TMEM268: variants seen among roughly 807,000 people sequenced by gnomAD.
The protein encoded by TMEM268 is transmembrane protein 268, also known as transmembrane protein C9orf91.
TMEM268 carries 24 observed loss-of-function variants against 39.1 expected under a neutral mutation model. That is an observed-to-expected ratio of 0.61 (90% CI 0.44 to 0.86). The LOEUF (loss-of-function observed/expected upper bound fraction) is 0.86, where lower values mean the gene tolerates loss of function less well. Among genes scored for constraint, TMEM268 ranks in the 40% least tolerant of loss-of-function variants. The pLI, the probability that TMEM268 is intolerant of heterozygous loss-of-function variation, is 0.00. For missense variants in TMEM268, 409 were observed against 428.6 expected, an observed-to-expected ratio of 0.95 and a Z score of 0.40; for synonymous variants, 176 against 173.5, an observed-to-expected ratio of 1.01 and a Z score of -0.12.
rs3035396 is a variant in TMEM268 at position 114,611,533 on chromosome 9, TGGCGGCGGCGGCGGCGGC to T, written c.-102_-85del. The T allele has an allele frequency of 6.1e-6, 1 of 162,680 alleles. No individual in the cohort carries two copies. The highest frequency in any genetic ancestry group is 1.3e-5 in the Non-Finnish European group (1 of 79,958). The allele number at this position is 162,680 out of a possible 1,614,324, so 10.1% of individuals were successfully genotyped here. A position where few individuals can be genotyped will look rare whatever the true frequency, so the allele number is the denominator to read the frequency against. Reference sequence around the variant, plus strand: ...GCCCCCGACCTTCCGCGTCCCGGGGTGGCGGCGGCGGCGGCGGCGGCGGCGCGGGCGGTGAGTGTGCGC... The same window carrying T: ...GCCCCCGACCTTCCGCGTCCCGGGGTGGCGGCGCGGGCGGTGAGTGTGCGC... On this transcript the variant is annotated 5_prime_UTR_variant, in exon 1 of 9. Coordinates refer to ENST00000288502, the MANE Select transcript of TMEM268 (RefSeq NM_153045.4).
rs374759844 is a variant in TMEM268, at chr9:114,644,797, AT to A, written c.*1497del. ...ATCAATATAATGGGTGGATTGGATG[AT>A]TTTTTTTTTTTTAATTGAGATGGAG... On this transcript the variant is annotated 3_prime_UTR_variant, in exon 9 of 9. Coordinates refer to ENST00000288502, the MANE Select transcript of TMEM268 (RefSeq NM_153045.4). 4.1e-3 allele frequency: 594 copies of A among 144,338 alleles called. 1 individual carries two copies. Among genetic ancestry groups the A allele is most frequent in the African/African-American group, 7.7e-3 (302 of 39,472 alleles). 8.9% of individuals were successfully genotyped at this position (144,338 alleles called of 1,614,324 possible). A position where few individuals can be genotyped will look rare whatever the true frequency, so the allele number is the denominator to read the frequency against.
In TMEM268 at chr9:114,646,422, A is replaced by T. The variant is rs1040197428; in HGVS notation, c.*3109A>T. On this transcript the variant is annotated 3_prime_UTR_variant, in exon 9 of 9. Coordinates refer to ENST00000288502, the MANE Select transcript of TMEM268 (RefSeq NM_153045.4). ...AGCTCAATAAATTGTTACTTAAAAA[A>T]TTTTTTGTCTCGCATATTGTAGATA... The T allele has an allele frequency of 8.5e-5, 13 of 152,300 alleles. No homozygotes were observed. The East Asian group carries it at 1.5e-3, about 18-fold the overall frequency. The allele number at this position is 152,300 out of a possible 1,614,324, so 9.4% of individuals were successfully genotyped here.
chr9:114,635,067 G>A (rs150111920), intron 6 of TMEM268, among the ~76,000 whole-genome samples: 156 of 152,264 alleles, frequency 1.0e-3, no homozygotes, highest in Non-Finnish European at 1.7e-3. Flanking sequence ...TGGGCTGGGC[G>A]TGGTGGCTCA....
the TMEM268 span, among the ~76,000 whole-genome samples, chr9:114,605,398 C>T: frequency 1.3e-5 from 2 of 151,794 alleles, no homozygotes; most frequent in Non-Finnish European, 2.9e-5. Flanking sequence ...GCAGGTTAAG[C>T]ACATTCTTTA....
At chr9:114,638,513 C>T (rs777544003) in intron 7 of TMEM268, 31 bp from the exon 8 acceptor site, 2 of 1,499,626 alleles carry the variant, frequency 1.3e-6, no homozygotes, top group East Asian at 5.1e-5. Context: ...GATTTAGGCA[C>T]TCCTGAGCCC....
intron 6 of TMEM268, among the ~76,000 whole-genome samples, chr9:114,636,485 T>TTTTTC (rs1554760003): frequency 5.1e-5 from 7 of 136,642 alleles, no homozygotes; most frequent in South Asian, 2.8e-4. Context: ...AGGGTTTAAC[T>TTTTTC]TTTTCTTTTC....
At chr9:114,622,016 C>A (rs1845965888) in intron 2 of TMEM268, 1 of 879,422 alleles carries the variant, frequency 1.1e-6, no homozygotes, top group African/African-American at 1.8e-5. Flanking sequence ...CAGCAGAAGC[C>A]ACTTAGGAGG....
chr9:114,613,156 C>T (rs370448317), intron 1 of TMEM268, among the ~76,000 whole-genome samples: 172 of 152,306 alleles, frequency 1.1e-3, no homozygotes, highest in African/African-American at 4.0e-3. Context: ...TTACTTTTAG[C>T]TATTACAGGA....
At chr9:114,613,550 G>A (rs942344270) in intron 1 of TMEM268, among the ~76,000 whole-genome samples, 1 of 152,146 alleles carries the variant, frequency 6.6e-6, no homozygotes, top group African/African-American at 2.4e-5. Context: ...AGATCCTTGT[G>A]GCTATTTTTG....
At chr9:114,622,122 T>G in intron 2 of TMEM268, 3 of 985,242 alleles carry the variant, frequency 3.0e-6, no homozygotes, top group Non-Finnish European at 2.4e-6. Context: ...GGTGATACAT[T>G]GGGGGAGCAG....
rs1273051121 is a variant in TMEM268, at chr9:114,646,280, C to G, written c.*2967C>G. On this transcript the variant is annotated 3_prime_UTR_variant, in exon 9 of 9. Coordinates refer to ENST00000288502, the MANE Select transcript of TMEM268 (RefSeq NM_153045.4). ...AACAATGTTCTTCCTCTCATTGAGT[C>G]TCATTCCTCATCTATAGGATGGGAA... The G allele has an allele frequency of 6.6e-6, 1 of 152,168 alleles. No homozygotes were observed. The highest frequency in any genetic ancestry group is 1.5e-5 in the Non-Finnish European group (1 of 68,040). The allele number at this position is 152,168 out of a possible 1,614,324, so 9.4% of individuals were successfully genotyped here. A position where few individuals can be genotyped will look rare whatever the true frequency, so the allele number is the denominator to read the frequency against.
chr9:114,643,358 G>A lies in TMEM268; in HGVS notation c.*45G>A. ...ATCTTCCTTCAAGACTGAGCAGTCAGGAAGGCTTCAGGAGCCCAAGATGGC... is the reference window on the plus strand; with the variant it reads ...ATCTTCCTTCAAGACTGAGCAGTCAAGAAGGCTTCAGGAGCCCAAGATGGC... On this transcript the variant is annotated 3_prime_UTR_variant, in exon 9 of 9. Transcript: ENST00000288502. 1 of 1,591,236 alleles carries A rather than the reference G, an allele frequency of 6.3e-7. No individual in the cohort carries two copies. The highest frequency in any genetic ancestry group is 1.7e-5 in the Admixed American group (1 of 59,528).
At chr9:114,613,203 T>TACTAATC (rs1845573469) in intron 1 of TMEM268, among the ~76,000 whole-genome samples, 1 of 152,118 alleles carries the variant, frequency 6.6e-6, no homozygotes. Context: ...GCCTGCTGAT[T>TACTAATC]AGTACTTTGT....
intron 2 of TMEM268, among the ~76,000 whole-genome samples, chr9:114,620,247 CT>C (rs1229127945): frequency 9.3e-4 from 42 of 45,020 alleles, no homozygotes; most frequent in Admixed American, 2.6e-3. Flanking sequence ...GTTTTAGTTA[CT>C]TACTTATTTT....
At chr9:114,638,495 T>C in intron 7 of TMEM268, 49 bp from the exon 8 acceptor site, 1 of 1,419,000 alleles carries the variant, frequency 7.0e-7, no homozygotes. Context: ...GCCTCGCAGA[T>C]ACCACCTGAT....
At chr9:114,615,002 T>G (rs1213297106) in intron 1 of TMEM268, among the ~76,000 whole-genome samples, 2 of 151,818 alleles carry the variant, frequency 1.3e-5, no homozygotes. Flanking sequence ...GTTCAAGTGA[T>G]TCTCCTGCCT....
intron 3 of TMEM268, among the ~76,000 whole-genome samples, chr9:114,625,921 G>C (rs1359306792): frequency 1.3e-5 from 2 of 151,874 alleles, no homozygotes; most frequent in African/African-American, 4.8e-5. Context: ...CTGCCTCCCG[G>C]CTTCAAGCAA....
In TMEM268 at chr9:114,614,518, G is replaced by A. The variant is rs919538947; in HGVS notation, c.-78-2600G>A. Among the ~76,000 whole-genome samples the A allele has an allele frequency of 2.0e-5, 3 of 152,228 alleles. No individual in the cohort carries two copies. In the East Asian group the frequency reaches 5.8e-4, roughly 29 times the overall value. ...CATTCTGTAGCTGCTGCTGTTTAAA[G>A]TATTGAGAGAAGTGAAAAATGGTGA... On this transcript the variant is annotated intron_variant, in intron 1 of 8. Coordinates refer to ENST00000288502, the MANE Select transcript of TMEM268 (RefSeq NM_153045.4).
Position 114,633,689 on chromosome 9 carries a change from G to A in TMEM268, c.475-79G>A, listed in dbSNP as rs1281216304. The A allele has an allele frequency of 6.0e-6, 4 of 661,874 alleles. No homozygotes were observed. The East Asian group carries it at 1.1e-4, about 19-fold the overall frequency. The allele number at this position is 661,874 out of a possible 1,614,324, so 41.0% of individuals were successfully genotyped here. ...TCCCTTGGCATCTGGGGGTGGGATG[G>A]TGTGTTTCTACTGCCCAGAGCCTGG... On this transcript the variant is annotated intron_variant, in intron 5 of 8. Transcript: ENST00000288502.
Sources: allele counts gnomAD v4.1 joint callset (sites outside exome capture counted in the v4.1 genomes callset), GRCh38; gene constraint gnomAD v4.1.1; transcripts MANE v1.5; gene names NCBI Gene and HGNC (gene_info 2026-07-23, HGNC 2026-07-21).